GATA4: variants seen among roughly 807,000 people sequenced by gnomAD.
GATA4 encodes the protein GATA binding protein 4.
A neutral mutation model predicts 37.9 loss-of-function variants in GATA4; 7 were observed. The ratio of observed to expected loss-of-function variants is 0.18; its 90% CI spans 0.11 to 0.35. GATA4 has a LOEUF of 0.35. Among genes scored for constraint, GATA4 ranks in the 10% least tolerant of loss-of-function variants. GATA4 has a pLI of 1.00. For synonymous variants in GATA4, 372 were observed against 292.6 expected (o/e 1.27, Z -2.77); for missense variants, 647 against 653.0 (o/e 0.99, Z 0.10).
chr8:11,682,797 C>G (rs766031323), intron 1 of GATA4, among the ~76,000 whole-genome samples: 16 of 152,166 alleles, frequency 1.1e-4, no homozygotes, highest in Non-Finnish European at 2.1e-4. Context: ...GCAAAAACAC[C>G]TCTTGGCCGT....
intron 2 of GATA4, among the ~76,000 whole-genome samples, chr8:11,730,418 C>T (rs1801148291): frequency 6.6e-6 from 1 of 152,210 alleles, no homozygotes; most frequent in Non-Finnish European, 1.5e-5. Context: ...TGAAGGTGAA[C>T]AGTCACTGTC....
chr8:11,731,401 C>A (rs73205108), intron 2 of GATA4, among the ~76,000 whole-genome samples: 8,230 of 152,266 alleles, frequency 0.054, 317 homozygotes, highest in South Asian at 0.12. Flanking sequence ...ATTACTCAGC[C>A]TTAAAAAGGA....
intron 5 of GATA4, among the ~76,000 whole-genome samples, chr8:11,756,131 G>C (rs538330141): frequency 6.0e-4 from 91 of 152,112 alleles, no homozygotes; most frequent in African/African-American, 1.9e-3. Flanking sequence ...TTGACTGGTC[G>C]GTGCTGCAGT....
At chr8:11,743,793 C>T (rs1801884302) in intron 2 of GATA4, among the ~76,000 whole-genome samples, 1 of 152,180 alleles carries the variant, frequency 6.6e-6, no homozygotes, top group South Asian at 2.1e-4. Flanking sequence ...TTCTTTCAGG[C>T]ACTAGGGTGG....
chr8:11,740,986 G>A (rs140195817), intron 2 of GATA4, among the ~76,000 whole-genome samples: 343 of 152,024 alleles, frequency 2.3e-3, no homozygotes, highest in African/African-American at 7.7e-3. Context: ...CATCCGCTTC[G>A]GCCTCCCAAA....
chr8:11,744,115 T>A (rs1217703923), intron 2 of GATA4, among the ~76,000 whole-genome samples: 1 of 152,194 alleles, frequency 6.6e-6, no homozygotes, highest in Non-Finnish European at 1.5e-5. Context: ...CAGACAATTC[T>A]GAGTATAGCC....
At chr8:11,714,749 C>G (rs992238384) in intron 2 of GATA4, among the ~76,000 whole-genome samples, 2 of 152,146 alleles carry the variant, frequency 1.3e-5, no homozygotes, top group Non-Finnish European at 2.9e-5. Context: ...GGAGACAGTT[C>G]TAGATAACGC....
chr8:11,703,706 C>A (rs377416349), upstream of GATA4, among the ~76,000 whole-genome samples: 1 of 152,246 alleles, frequency 6.6e-6, no homozygotes, highest in East Asian at 1.9e-4. Context: ...CTGGGTGTCT[C>A]CTGAACCTCC....
intron 2 of GATA4, among the ~76,000 whole-genome samples, chr8:11,712,738 A>G (rs974350728): frequency 7.3e-5 from 11 of 151,024 alleles, no homozygotes; most frequent in African/African-American, 9.7e-5. Flanking sequence ...ATGCATGCCT[A>G]TAACTCCAGC....
At chr8:11,682,957 A>G (rs1441527493) in intron 1 of GATA4, 1 of 541,612 alleles carries the variant, frequency 1.8e-6, no homozygotes, top group Non-Finnish European at 2.4e-6. Context: ...GTTAAATGCT[A>G]TGGGTGTGGG....
At chr8:11,754,907 C>G in intron 4 of GATA4, 139 bp from the exon 5 acceptor site, 2 of 700,472 alleles carry the variant, frequency 2.9e-6, no homozygotes, top group South Asian at 1.6e-5. Flanking sequence ...TTCCAGGGGC[C>G]TGTGCAGCCC....
At chr8:11,680,442 C>A (rs1798920659) in intron 1 of GATA4, 2 of 982,170 alleles carry the variant, frequency 2.0e-6, no homozygotes, top group Non-Finnish European at 2.4e-6. Context: ...CTCATCGCCT[C>A]TCCGTTCCTG....
chr8:11,722,685 T>G (rs1417391137), intron 2 of GATA4, among the ~76,000 whole-genome samples: 1 of 152,224 alleles, frequency 6.6e-6, no homozygotes. Context: ...ATTGAACATA[T>G]TCCTCTGTCC....
At chr8:11,680,360 A>G (rs761035380) in intron 1 of GATA4, 7 of 464,402 alleles carry the variant, frequency 1.5e-5, no homozygotes, top group Non-Finnish European at 2.0e-5. Flanking sequence ...GAATCTCTGC[A>G]AGTAACTAAC....
chr8:11,695,413 A>AT (rs569755686), intron 1 of GATA4, among the ~76,000 whole-genome samples: 1 of 152,164 alleles, frequency 6.6e-6, no homozygotes, highest in African/African-American at 2.4e-5. Context: ...TCTCAAAAAA[A>AT]AAATAAATAA....
intron 2 of GATA4, among the ~76,000 whole-genome samples, chr8:11,734,719 A>G (rs1394633456): frequency 6.6e-6 from 1 of 151,954 alleles, no homozygotes; most frequent in Admixed American, 6.6e-5. Flanking sequence ...CGAACTCTTG[A>G]CCTCAGGTGA....
At chr8:11,756,782 C>T (rs1418986379) in intron 5 of GATA4, 153 bp from the exon 6 acceptor site, 4 of 988,006 alleles carry the variant, frequency 4.0e-6, no homozygotes, top group Admixed American at 1.7e-5. Flanking sequence ...CCTGTGAGAA[C>T]TGTAGCCCTC....
intron 6 of GATA4, among the ~76,000 whole-genome samples, chr8:11,757,403 C>T (rs1482756788): frequency 2.0e-5 from 3 of 152,246 alleles, no homozygotes; most frequent in East Asian, 1.9e-4. Context: ...CCAGGGCTGG[C>T]ATACAGCATG....
intron 2 of GATA4, among the ~76,000 whole-genome samples, chr8:11,736,733 T>TA (rs1249219789): frequency 3.3e-5 from 5 of 151,566 alleles, no homozygotes; most frequent in South Asian, 2.1e-4. Context: ...TTCTGCAGCT[T>TA]AAAAAAAAAG....
Sources: gnomAD v4.1 joint callset for allele counts (sites outside exome capture counted in the v4.1 genomes callset) on GRCh38, gnomAD v4.1.1 for gene constraint, MANE v1.5 for transcripts, NCBI Gene and HGNC (gene_info 2026-07-23, HGNC 2026-07-21) for gene names.